The following GLIPR1L1 variants were observed in gnomAD, a reference collection of about 807,000 sequenced individuals.
GLIPR1L1 encodes GLIPR1-like protein 1.
GLIPR1L1 carries 26 observed loss-of-function variants against 29.9 expected under a neutral mutation model. That is an observed-to-expected ratio of 0.87 (90% CI 0.64 to 1.21). The LOEUF (loss-of-function observed/expected upper bound fraction) is 1.21, where lower values mean the gene tolerates loss of function less well. GLIPR1L1 is among the 50% of genes most tolerant of loss of function. The probability of loss-of-function intolerance (pLI) is 0.00; values close to 1 mark genes in which losing one functional copy is unlikely to be tolerated. For missense variants in GLIPR1L1, 305 were observed against 290.3 expected (o/e 1.05, Z -0.37); for synonymous variants, 77 against 97.5 (o/e 0.79, Z 1.24).
chr12:75,345,171 C>T (rs760166008), intron 2 of GLIPR1L1, among the ~76,000 whole-genome samples: 14 of 152,080 alleles, frequency 9.2e-5, no homozygotes, highest in African/African-American at 1.2e-4. Context: ...CTCAATCAGA[C>T]TCTCATAACT....
intron 3 of GLIPR1L1, among the ~76,000 whole-genome samples, chr12:75,357,985 A>G (rs1383664423): frequency 6.6e-6 from 1 of 151,416 alleles, no homozygotes; most frequent in African/African-American, 2.4e-5. Context: ...AAAAAAAAAA[A>G]GTAATAACAA....
chr12:75,358,075 T>A (rs2043272146), intron 3 of GLIPR1L1, among the ~76,000 whole-genome samples: 1 of 151,296 alleles, frequency 6.6e-6, no homozygotes, highest in Non-Finnish European at 1.5e-5. Flanking sequence ...TAACATTTTA[T>A]TAATAAAATT....
At chr12:75,355,547 A>G (rs2043100753) in intron 3 of GLIPR1L1, among the ~76,000 whole-genome samples, 1 of 152,208 alleles carries the variant, frequency 6.6e-6, no homozygotes, top group Non-Finnish European at 1.5e-5. Flanking sequence ...ACAATAGTCA[A>G]ACCATTGTAG....
chr12:75,362,899 G>C (rs1427321980), intron 3 of GLIPR1L1, among the ~76,000 whole-genome samples: 3 of 152,042 alleles, frequency 2.0e-5, no homozygotes, highest in Non-Finnish European at 4.4e-5. Flanking sequence ...TTCAAGAATA[G>C]AACTTCCACG....
chr12:75,370,091 C>A lies in GLIPR1L1; in HGVS notation c.644C>A (p.Pro215Gln). ...TTGTTTTTGTTTTTGACAGAAAATC[C>A]ATTTCTGAAGCCAACGGGGAGAGCA... Reference protein sequence around the residue: ...TPQLIIPNQNPFLKPTGRAPQ... With the variant: ...TPQLIIPNQNQFLKPTGRAPQ... The change falls in exon 6 of 6, where the codon CCA (proline) becomes CAA (glutamine). Residue 215 changes from proline to glutamine, a missense_variant. Coordinates refer to ENST00000378695, the MANE Select transcript of GLIPR1L1 (RefSeq NM_001304964.2). The A allele has an allele frequency of 6.3e-7, 1 of 1,598,050 alleles. No individual in the cohort carries two copies. Among genetic ancestry groups the A allele is most frequent in the Non-Finnish European group, 8.6e-7 (1 of 1,168,804 alleles).
At chr12:75,364,776 T>C (rs192345755) in intron 4 of GLIPR1L1, 2 of 152,334 alleles carry the variant, frequency 1.3e-5, no homozygotes, top group African/African-American at 4.8e-5. Context: ...CATTTCTTTT[T>C]GTTGTCTTTA....
At chr12:75,366,176 T>C (rs1468287104) in intron 4 of GLIPR1L1, among the ~76,000 whole-genome samples, 2 of 152,180 alleles carry the variant, frequency 1.3e-5, no homozygotes, top group African/African-American at 4.8e-5. Context: ...TAAGCCAGTT[T>C]GGTACCTTGT....
chr12:75,352,520 A>G (rs1342307063), intron 3 of GLIPR1L1, among the ~76,000 whole-genome samples: 1 of 152,246 alleles, frequency 6.6e-6, no homozygotes, highest in Non-Finnish European at 1.5e-5. Flanking sequence ...TTAGAGACCT[A>G]CAAAGTGACT....
At chr12:75,360,363 C>T (rs993150295) in intron 3 of GLIPR1L1, 5 of 152,186 alleles carry the variant, frequency 3.3e-5, no homozygotes, top group Non-Finnish European at 5.9e-5. Flanking sequence ...CAAGTCCCTT[C>T]TGCCTATAAG....
intron 3 of GLIPR1L1, among the ~76,000 whole-genome samples, chr12:75,353,100 G>C (rs2042921543): frequency 6.6e-6 from 1 of 151,958 alleles, no homozygotes; most frequent in Admixed American, 6.6e-5. Flanking sequence ...AGAACCAAGA[G>C]CAAACAAACC....
At chr12:75,356,007 G>A (rs890570882) in intron 3 of GLIPR1L1, among the ~76,000 whole-genome samples, 1 of 152,216 alleles carries the variant, frequency 6.6e-6, no homozygotes, top group African/African-American at 2.4e-5. Flanking sequence ...GAGAGCATCA[G>A]CAAAAATAGC....
rs1392790783 is a variant in GLIPR1L1 at position 75,346,058 on chromosome 12, G to A, written c.421-1564G>A. On this transcript the variant is annotated intron_variant, in intron 2 of 5. Coordinates refer to ENST00000378695, the MANE Select transcript of GLIPR1L1 (RefSeq NM_001304964.2). ...TATTCATATTAGAGTTACATCCAAT[G>A]TTCATATTAATATTACATCTAGTTT... Among the ~76,000 whole-genome samples the A allele has an allele frequency of 3.3e-5, 5 of 152,208 alleles. No homozygotes were observed. The South Asian group carries it at 8.3e-4, about 25-fold the overall frequency.
chr12:75,339,200 C>G (rs2041938383), intron 1 of GLIPR1L1, among the ~76,000 whole-genome samples: 1 of 152,004 alleles, frequency 6.6e-6, no homozygotes, highest in Non-Finnish European at 1.5e-5. Flanking sequence ...AATGGGTAAA[C>G]TAATTTACAC....
intron 1 of GLIPR1L1, among the ~76,000 whole-genome samples, chr12:75,339,155 C>G (rs2041934890): frequency 6.6e-6 from 1 of 152,172 alleles, no homozygotes; most frequent in Non-Finnish European, 1.5e-5. Flanking sequence ...ATTTCTGACT[C>G]TAGATCTTTG....
At chr12:75,344,566 C>G (rs113096161) in intron 2 of GLIPR1L1, among the ~76,000 whole-genome samples, 1,623 of 152,038 alleles carry the variant, frequency 0.011, 19 homozygotes, top group African/African-American at 0.032. Context: ...TTAATATTTT[C>G]CCTGCTAGCT....
chr12:75,347,161 C>T (rs889802272), intron 2 of GLIPR1L1, among the ~76,000 whole-genome samples: 1 of 151,702 alleles, frequency 6.6e-6, no homozygotes, highest in Non-Finnish European at 1.5e-5. Context: ...TGTCTTGTGA[C>T]TTGACAAAGG....
chr12:75,343,609 C>A, intron 1 of GLIPR1L1, 84 bp from the exon 2 acceptor site: 29 of 1,051,894 alleles, frequency 2.8e-5, no homozygotes, highest in South Asian at 1.5e-4. Context: ...TAAATTTAAG[C>A]AAAACTTAGT....
chr12:75,361,036 G>A (rs2139590390), intron 3 of GLIPR1L1: 1 of 152,204 alleles, frequency 6.6e-6, no homozygotes, highest in Admixed American at 6.5e-5. Flanking sequence ...AGTGAGTGGA[G>A]TAGAATTAAT....
chr12:75,340,140 T>C (rs1483890237), intron 1 of GLIPR1L1, among the ~76,000 whole-genome samples: 2 of 149,824 alleles, frequency 1.3e-5, no homozygotes, highest in Non-Finnish European at 3.0e-5. Context: ...TACACACATA[T>C]ATATAAAATA....
Sources: allele counts gnomAD v4.1 joint callset (sites outside exome capture counted in the v4.1 genomes callset), GRCh38; gene constraint gnomAD v4.1.1; transcripts MANE v1.5; gene names NCBI Gene and HGNC (gene_info 2026-07-23, HGNC 2026-07-21).